The following ZMYND8 variants were observed in gnomAD, a reference collection of about 807,000 sequenced individuals.
The protein encoded by ZMYND8 is zinc finger MYND-type containing 8, also known as MYND-type zinc finger-containing chromatin reader ZMYND8.
Under a neutral mutation model 140.8 loss-of-function variants are expected in ZMYND8, and 37 were observed. That is an observed-to-expected ratio of 0.26 (90% confidence interval 0.20 to 0.35). The LOEUF (loss-of-function observed/expected upper bound fraction) is 0.35. Among genes scored for constraint, ZMYND8 ranks in the 10% least tolerant of loss-of-function variants. The pLI is 1.00. For missense variants in ZMYND8, 1,068 were observed against 1,570.0 expected, an observed-to-expected ratio of 0.68 and a Z score of 5.40; for synonymous variants, 592 against 597.1, an observed-to-expected ratio of 0.99 and a Z score of 0.12.
At chr20:47,282,737 C>T (rs866618199) in intron 9 of ZMYND8, among the ~76,000 whole-genome samples, 1 of 137,252 alleles carries the variant, frequency 7.3e-6, no homozygotes, top group African/African-American at 2.8e-5. Context: ...AAAAAAAAAA[C>T]AAAAAAAAGA....
intron 21 of ZMYND8, among the ~76,000 whole-genome samples, chr20:47,214,546 TGCAGTG>T (rs1191699494): frequency 6.6e-6 from 1 of 152,210 alleles, no homozygotes; most frequent in African/African-American, 2.4e-5. Context: ...CAGACTGGAA[TGCAGTG>T]GCACGGTCTC....
intron 12 of ZMYND8, among the ~76,000 whole-genome samples, chr20:47,255,779 ATTTGTATGTG>A (rs2074646913): frequency 7.9e-6 from 1 of 126,244 alleles, no homozygotes; most frequent in South Asian, 2.5e-4. Flanking sequence ...ATATATATAT[ATTTGTATGTG>A]TATATATATA....
Position 47,276,271 on chromosome 20 carries a change from G to A in ZMYND8, c.1480+43C>T, listed in dbSNP as rs377499315. 2.0e-5 allele frequency: 30 copies of A among 1,492,782 alleles called. 1 individual carries two copies. The highest frequency in any genetic ancestry group is 1.1e-4 in the Admixed American group (5 of 44,796). 92.5% of individuals were successfully genotyped at this position (1,492,782 alleles called of 1,614,324 possible). ...AAGTGTGCACCCATGGGAAACCCCC[G>A]TGTCCAAGGGGCCTCCTCCCCGCTC... On this transcript the variant is annotated intron_variant, in intron 11 of 22. Transcript: ENST00000471951.
intron 21 of ZMYND8, among the ~76,000 whole-genome samples, chr20:47,216,849 A>G (rs2036200839): frequency 6.6e-6 from 1 of 152,178 alleles, no homozygotes; most frequent in Non-Finnish European, 1.5e-5. Flanking sequence ...TCTGGGGACA[A>G]AAAGTATTAA....
At chr20:47,349,728 G>A in intron 1 of ZMYND8, 2 of 1,265,570 alleles carry the variant, frequency 1.6e-6, no homozygotes, top group South Asian at 2.9e-5. Context: ...CTAGCATGAA[G>A]TATGTGAAAT....
At chr20:47,351,795 T>C (rs1209956062) in intron 1 of ZMYND8, 1 of 985,316 alleles carries the variant, frequency 1.0e-6, no homozygotes, top group African/African-American at 1.7e-5. Flanking sequence ...ATTCCTGTGT[T>C]GAAGCTAAAA....
At chr20:47,312,110 C>A (rs80302277) in intron 2 of ZMYND8, among the ~76,000 whole-genome samples, 3 of 152,048 alleles carry the variant, frequency 2.0e-5, no homozygotes, top group Non-Finnish European at 4.4e-5. Context: ...GTGAAATCTG[C>A]GAAGATGTCA....
intron 4 of ZMYND8, among the ~76,000 whole-genome samples, chr20:47,296,843 G>A (rs1480796249): frequency 4.6e-5 from 7 of 151,642 alleles, no homozygotes; most frequent in Non-Finnish European, 8.8e-5. Context: ...GTGGTCCCAG[G>A]TACTCAGGAG....
At chr20:47,221,182 C>G (rs773315667) in intron 20 of ZMYND8, 132 bp downstream of exon 20, 243 of 1,282,606 alleles carry the variant, frequency 1.9e-4, no homozygotes, top group Non-Finnish European at 2.5e-4. Context: ...CACACATCCA[C>G]TGGAAATGCC....
intron 12 of ZMYND8, among the ~76,000 whole-genome samples, chr20:47,255,835 T>TATAC (rs1555925753): frequency 7.6e-5 from 11 of 143,898 alleles, no homozygotes; most frequent in African/African-American, 2.8e-4. Context: ...TATATATATA[T>TATAC]ACACACACAC....
At chr20:47,257,351 C>T (rs2074814882) in intron 12 of ZMYND8, among the ~76,000 whole-genome samples, 1 of 151,956 alleles carries the variant, frequency 6.6e-6, no homozygotes, top group Non-Finnish European at 1.5e-5. Flanking sequence ...TCACCATATA[C>T]ACACATACAT....
At chr20:47,255,673 G>A (rs539717493) in intron 12 of ZMYND8, among the ~76,000 whole-genome samples, 3 of 111,094 alleles carry the variant, frequency 2.7e-5, no homozygotes, top group Non-Finnish European at 5.2e-5. Context: ...TATGTATATG[G>A]TGTATGTGTG....
At chr20:47,230,517 C>T (rs1467813672) in intron 16 of ZMYND8, among the ~76,000 whole-genome samples, 3 of 152,050 alleles carry the variant, frequency 2.0e-5, no homozygotes, top group Admixed American at 6.6e-5. Context: ...TGGTCTTGAA[C>T]TCCCGACCTC....
intron 3 of ZMYND8, among the ~76,000 whole-genome samples, chr20:47,302,444 G>A (rs940752727): frequency 6.6e-6 from 1 of 152,138 alleles, no homozygotes; most frequent in South Asian, 2.1e-4. Flanking sequence ...GCGAAAGAGC[G>A]AGACATCATC....
Position 47,262,896 on chromosome 20 carries a change from T to A in ZMYND8, c.1481-468A>T, listed in dbSNP as rs759416490. Among the ~76,000 whole-genome samples, 6 of 152,122 alleles carry A rather than the reference T, an allele frequency of 3.9e-5. 1 individual carries two copies. Among genetic ancestry groups the A allele is most frequent in the Middle Eastern group, 6.3e-3 (2 of 316 alleles). Reference sequence around the variant, plus strand: ...CCTGCCAGGGACCAACTTGGCCCCTTGGGAAATCTCCAGCTCCCATTTCAA... The same window carrying A: ...CCTGCCAGGGACCAACTTGGCCCCTAGGGAAATCTCCAGCTCCCATTTCAA... On this transcript the variant is annotated intron_variant, in intron 11 of 22. Transcript: ENST00000471951.
chr20:47,260,468 CAGTTACTCCTATAGCACACCA>C (rs139290201), intron 12 of ZMYND8, among the ~76,000 whole-genome samples: 97,278 of 151,926 alleles, frequency 0.64, 31,397 homozygotes, highest in African/African-American at 0.72. Flanking sequence ...ACAACACACC[CAGTTACTCCTATAGCACACCA>C]ACTTAATCCT....
At chr20:47,261,895 A>T (rs1439905186) in intron 12 of ZMYND8, among the ~76,000 whole-genome samples, 5 of 151,918 alleles carry the variant, frequency 3.3e-5, no homozygotes, top group African/African-American at 1.2e-4. Context: ...ACATGGTGAA[A>T]CTCTGTCTCT....
intron 10 of ZMYND8, among the ~76,000 whole-genome samples, chr20:47,281,380 C>T (rs539377162): frequency 3.3e-5 from 5 of 152,326 alleles, no homozygotes; most frequent in South Asian, 2.1e-4. Flanking sequence ...CATACTAACA[C>T]GCTTTCTCAA....
intron 2 of ZMYND8, 122 bp from the exon 3 acceptor site, chr20:47,310,326 C>T: frequency 2.6e-6 from 3 of 1,175,254 alleles, no homozygotes; most frequent in Non-Finnish European, 3.5e-6. Flanking sequence ...CTCCCGAAGC[C>T]ACTTCAGTGT....
Sources: allele counts gnomAD v4.1 joint callset (sites outside exome capture counted in the v4.1 genomes callset), GRCh38; gene constraint gnomAD v4.1.1; transcripts MANE v1.5; gene names NCBI Gene and HGNC (gene_info 2026-07-23, HGNC 2026-07-21).